Variants in SH2D2A observed in about 807,000 individuals in gnomAD.
SH2D2A encodes the protein SH2 domain-containing protein 2A.
Under a neutral mutation model 43.6 loss-of-function variants are expected in SH2D2A, and 33 were observed. The ratio of observed to expected loss-of-function variants is 0.76; its 90% CI spans 0.57 to 1.01. The LOEUF (loss-of-function observed/expected upper bound fraction) is 1.01, where lower values mean the gene tolerates loss of function less well. Ranked by LOEUF, SH2D2A falls within the 50% of genes least tolerant of loss-of-function variation. The pLI, the probability that SH2D2A is intolerant of heterozygous loss-of-function variation, is 0.00. For synonymous variants in SH2D2A, 212 were observed against 206.1 expected, an observed-to-expected ratio of 1.03 and a Z score of -0.25; for missense variants, 491 against 503.1, an observed-to-expected ratio of 0.98 and a Z score of 0.23.
chr1:156,813,980 C>T lies in SH2D2A; in HGVS notation c.435G>A (p.Gln145=), dbSNP rs1294450236. ...RTCCRHFLLA[Q]LRDGRHVVLG... ...GCACCACGTGGCGCCCGTCCCTGAG[C>T]TGGGCCAGCAGGAAGTGGCGGCAGC... The change falls in exon 5 of 9, where the codon CAG becomes CAA. Residue 145 remains glutamine (Q), a synonymous_variant. Transcript: ENST00000368199. 2.6e-6 allele frequency: 4 copies of T among 1,527,938 alleles called. No individual in the cohort carries two copies. Among genetic ancestry groups the T allele is most frequent in the Non-Finnish European group, 3.5e-6 (4 of 1,140,254 alleles). The allele number at this position is 1,527,938 out of a possible 1,614,324, so 94.6% of individuals were successfully genotyped here. A position where few individuals can be genotyped will look rare whatever the true frequency, so the allele number is the denominator to read the frequency against.
chr1:156,809,131 C>A lies in SH2D2A; in HGVS notation c.1002+72G>T. The A allele has an allele frequency of 4.0e-6, 6 of 1,496,624 alleles. No homozygotes were observed. Among genetic ancestry groups the A allele is most frequent in the Non-Finnish European group, 5.5e-6 (6 of 1,100,834 alleles). The allele number at this position is 1,496,624 out of a possible 1,614,324, so 92.7% of individuals were successfully genotyped here. ...CTGCCCCAGGCATCCACTCTGAACACCTTCTTCACCTTCCCCCATCTACCT... is the reference window on the plus strand; with the variant it reads ...CTGCCCCAGGCATCCACTCTGAACAACTTCTTCACCTTCCCCCATCTACCT... On this transcript the variant is annotated intron_variant, in intron 7 of 8. Coordinates refer to ENST00000368199, the MANE Select transcript of SH2D2A (RefSeq NM_003975.4). The surrounding 1 kb of genome is among the most constrained non-coding windows in gnomAD (Gnocchi z 4.8).
chr1:156,813,853 G>T lies in SH2D2A; in HGVS notation c.562C>A (p.Arg188=). The T allele has an allele frequency of 6.7e-7, 1 of 1,485,794 alleles. No individual in the cohort carries two copies. Among genetic ancestry groups the T allele is most frequent in the Non-Finnish European group, 8.9e-7 (1 of 1,117,936 alleles). 92.0% of individuals were successfully genotyped at this position (1,485,794 alleles called of 1,614,324 possible). The change falls in exon 5 of 9, where the codon CGA becomes AGA. Residue 188 remains arginine, a synonymous_variant. Transcript: ENST00000368199. ...TCAGGGTCTGGGGCGCGTACCTGTCGGGCGAGGGGCTCGGTGAGCGTCTCC... is the reference window on the plus strand; with the variant it reads ...TCAGGGTCTGGGGCGCGTACCTGTCTGGCGAGGGGCTCGGTGAGCGTCTCC... ...YGETLTEPLA[R]QTPEPAGLSL...
rs1652970447 is a variant in SH2D2A, at chr1:156,806,399, T to G, written c.*178A>C. 1 of 152,394 alleles carries G rather than the reference T, an allele frequency of 6.6e-6. No individual in the cohort carries two copies. Among genetic ancestry groups the G allele is most frequent in the Non-Finnish European group, 1.5e-5 (1 of 68,194 alleles). The allele number at this position is 152,394 out of a possible 1,614,324, so 9.4% of individuals were successfully genotyped here. A position where few individuals can be genotyped will look rare whatever the true frequency, so the allele number is the denominator to read the frequency against. On this transcript the variant is annotated 3_prime_UTR_variant, in exon 9 of 9. Transcript: ENST00000368199. Reference sequence around the variant, plus strand: ...GCTCAGAGGGCCAAGGAAATTAGACTCCAGGAGGAGAAACCAGGACAGTGG... The same window carrying G: ...GCTCAGAGGGCCAAGGAAATTAGACGCCAGGAGGAGAAACCAGGACAGTGG...
chr1:156,807,185 G>A lies in SH2D2A; in HGVS notation c.1163C>T (p.Pro388Leu), dbSNP rs868426256. The A allele has an allele frequency of 3.7e-6, 6 of 1,612,716 alleles. No individual in the cohort carries two copies. The highest frequency in any genetic ancestry group is 5.1e-6 in the Non-Finnish European group (6 of 1,179,846). The change falls in exon 8 of 9, where the codon CCT becomes CTT. Residue 388 changes from proline (P) to leucine (L), a missense_variant. Transcript: ENST00000368199. This position sits in a 1 kb window ranked among gnomAD's most constrained non-coding sequence, Gnocchi z 5.1. ...CAAGCTCAGACTTACCGCCTACTGA[G>A]GAGGCCCAAGGGGAAGCCATGCCTG... ...RGQAWLPLGP[P>L]Q
In SH2D2A at chr1:156,816,087, G is replaced by T. The variant is rs1225565413; in HGVS notation, c.42C>A (p.His14Gln). ...TGCTGAAGGTTGGGATGGGGGCTTC[G>T]TGACTCCCTGTGAGCACAAAGAGGG... ...PLAQICPQGS[H>Q]EAPIPTFSTF... The change falls in exon 2 of 9, where the codon CAC (histidine) becomes CAA (glutamine). Residue 14 changes from histidine (H) to glutamine (Q), a missense_variant. His to Gln is a conservative substitution (Grantham distance 24). Transcript: ENST00000368199. The T allele has an allele frequency of 1.2e-6, 2 of 1,612,850 alleles. No individual in the cohort carries two copies. Among genetic ancestry groups the T allele is most frequent in the Non-Finnish European group, 1.7e-6 (2 of 1,179,380 alleles).
At chr1:156,815,423 T>C (rs1449140887) in intron 2 of SH2D2A, 6 of 570,706 alleles carry the variant, frequency 1.1e-5, no homozygotes. Context: ...GAGACTCTCC[T>C]TCCTTTGCCC....
chr1:156,814,578 G>T, intron 3 of SH2D2A: 1 of 496,166 alleles, frequency 2.0e-6, no homozygotes, highest in Non-Finnish European at 3.5e-6. Flanking sequence ...CAGCTACAGG[G>T]ATGGGAAAGT....
At position 156,815,054 on chromosome 1, in the gene SH2D2A, A is replaced by G. The variant is rs757904279; in HGVS notation, c.291T>C (p.His97=). ...LQHGAAPAWF[H]GFITRREAER... ...TGACTCACCTCCGGGTGATGAAGCC[A>G]TGGAACCAGGCAGGGGCTGCCCCGT... The change falls in exon 3 of 9, where the codon CAT becomes CAC. Residue 97 remains histidine (H), a synonymous_variant. Transcript: ENST00000368199. 3.8e-6 allele frequency: 6 copies of G among 1,569,610 alleles called. No individual in the cohort carries two copies. In the East Asian group the frequency reaches 9.4e-5, roughly 25 times the overall value.
At position 156,815,261 on chromosome 1, in the gene SH2D2A, A is replaced by G. The variant is rs777872506; in HGVS notation, c.124-40T>C. ...AGTTCAAGGAGGGGGAAGCAGCATG[A>G]TGAGTGGGCCTTCTCCTGACTTTGA... On this transcript the variant is annotated intron_variant, in intron 2 of 8. Coordinates refer to ENST00000368199, the MANE Select transcript of SH2D2A (RefSeq NM_003975.4). 2.9e-6 allele frequency: 4 copies of G among 1,402,738 alleles called. No homozygotes were observed. The Admixed American group carries it at 8.6e-5, about 30-fold the overall frequency. 86.9% of individuals were successfully genotyped at this position (1,402,738 alleles called of 1,614,324 possible).
In SH2D2A at chr1:156,815,164, C is replaced by T. The variant is rs1035461898; in HGVS notation, c.181G>A (p.Glu61Lys). 5 of 1,602,888 alleles carry T rather than the reference C, an allele frequency of 3.1e-6. No individual in the cohort carries two copies. Among genetic ancestry groups the T allele is most frequent in the Non-Finnish European group, 4.3e-6 (5 of 1,174,812 alleles). ...AACAGGCTTCCTTCTCCAGGCACCT[C>T]CTCTGCCCTCTCAGCATTCCCTGTG... is the stretch of plus-strand genomic sequence containing the variant. Reference protein sequence around the residue: ...SNTGNAERAEEVPGEGSLFLQ... With the variant: ...SNTGNAERAEKVPGEGSLFLQ... The change falls in exon 3 of 9, where the codon GAG becomes AAG. Residue 61 changes from glutamate (E) to lysine (K), a missense_variant. Glu to Lys is a moderately conservative substitution (Grantham distance 56). Transcript: ENST00000368199.
chr1:156,816,743 G>C lies in SH2D2A; in HGVS notation c.-35C>G. The C allele has an allele frequency of 6.4e-7, 1 of 1,564,894 alleles. No homozygotes were observed. Among genetic ancestry groups the C allele is most frequent in the Non-Finnish European group, 8.7e-7 (1 of 1,155,898 alleles). On this transcript the variant is annotated 5_prime_UTR_variant, in exon 1 of 9. Coordinates refer to ENST00000368199, the MANE Select transcript of SH2D2A (RefSeq NM_003975.4). ...CTCACAAGGGATCCCAGAGCAGGGT[G>C]TGTGTATGTGTTCCGGAAAGGTGTG... is the stretch of plus-strand genomic sequence containing the variant.
chr1:156,814,888 A>C (rs746654259), intron 3 of SH2D2A, 149 bp downstream of exon 3: 1 of 578,852 alleles, frequency 1.7e-6, no homozygotes, highest in Non-Finnish European at 2.8e-6. Context: ...GGCTAGGAAA[A>C]CTCTGGGAGT....
At position 156,809,270 on chromosome 1, in the gene SH2D2A, C is replaced by A; in HGVS notation, c.935G>T (p.Gly312Val). The A allele has an allele frequency of 6.2e-7, 1 of 1,614,096 alleles. No individual in the cohort carries two copies. Among genetic ancestry groups the A allele is most frequent in the East Asian group, 2.2e-5 (1 of 44,866 alleles). Residue 312 changes from glycine (G) to valine (V), a missense_variant, in exon 7 of 9, where the codon GGC becomes GTC. Physicochemically the swap from Gly to Val is moderately radical, Grantham distance 109. Transcript: ENST00000368199. This position sits in a 1 kb window ranked among gnomAD's most constrained non-coding sequence, Gnocchi z 4.8. The part of the protein sequence containing the change: ...SNIYVEVEDE[G>V]LPATLGHPVL... The stretch of plus-strand genomic sequence containing the variant: ...AGGGTGCCCAAGGGTGGCGGGTAGG[C>A]CCTCATCTTCCACTTCCACATAGAT...
At chr1:156,811,107 G>A (rs1653382531) in intron 5 of SH2D2A, among the ~76,000 whole-genome samples, 1 of 152,016 alleles carries the variant, frequency 6.6e-6, no homozygotes, top group Non-Finnish European at 1.5e-5. Context: ...TCTCCTTCCG[G>A]AATAAAAAGT....
At chr1:156,815,718 T>G in intron 2 of SH2D2A, 1 of 1,189,240 alleles carries the variant, frequency 8.4e-7, no homozygotes, top group African/African-American at 1.5e-5. Context: ...TGACACAGAG[T>G]GCAGATGCCT....
chr1:156,807,139 G>C lies in SH2D2A; in HGVS notation c.*3+36C>G. 6.3e-7 allele frequency: 1 copy of C among 1,592,388 alleles called. No individual in the cohort carries two copies. Among genetic ancestry groups the C allele is most frequent in the South Asian group, 1.1e-5 (1 of 90,586 alleles). The stretch of plus-strand genomic sequence containing the variant: ...GGTGTGTGTGAAGGTCTCTGGACCT[G>C]ATGCTCCAAGTTATCCTCACCAAGC... On this transcript the variant is annotated intron_variant, in intron 8 of 8. Transcript: ENST00000368199. The surrounding 1 kb of genome is among the most constrained non-coding windows in gnomAD (Gnocchi z 5.1).
chr1:156,814,148 G>A, intron 4 of SH2D2A, 57 bp downstream of exon 4: 2 of 1,604,308 alleles, frequency 1.2e-6, no homozygotes, highest in Non-Finnish European at 1.7e-6. Context: ...TCAGACCCAA[G>A]CCCCGCCCCT....
chr1:156,809,737 T>A lies in SH2D2A; in HGVS notation c.638A>T (p.Asn213Ile). 1 of 1,613,564 alleles carries A rather than the reference T, an allele frequency of 6.2e-7. No individual in the cohort carries two copies. Among genetic ancestry groups the A allele is most frequent in the Non-Finnish European group, 8.5e-7 (1 of 1,179,892 alleles). The change falls in exon 6 of 9, where the codon AAC becomes ATC. Residue 213 changes from asparagine to isoleucine, a missense_variant. Transcript: ENST00000368199. The surrounding 1 kb of genome is among the most constrained non-coding windows in gnomAD (Gnocchi z 4.8). Reference sequence around the variant, plus strand: ...TTTGATGATTGGGCTGTACTGGGGGTTTGGGTCCTGGCTTTTGCTTCCAAA... The same window carrying A: ...TTTGATGATTGGGCTGTACTGGGGGATTGGGTCCTGGCTTTTGCTTCCAAA... ...SNFGSKSQDP[N>I]PQYSPIIKQG...
chr1:156,814,435 A>G lies in SH2D2A; in HGVS notation c.309-141T>C, dbSNP rs1461596902. On this transcript the variant is annotated intron_variant, in intron 3 of 8. Transcript: ENST00000368199. ...GAGAAAGGCTAGGGCGGAGATGGGG[A>G]GAGAGAGCACGTGGGCGCTGCTCTC... The G allele has an allele frequency of 7.0e-6, 10 of 1,432,686 alleles. No homozygotes were observed. In the East Asian group the frequency reaches 2.3e-4, roughly 33 times the overall value. The allele number at this position is 1,432,686 out of a possible 1,614,324, so 88.7% of individuals were successfully genotyped here. A position where few individuals can be genotyped will look rare whatever the true frequency, so the allele number is the denominator to read the frequency against.
Sources: gnomAD v4.1 joint callset for allele counts (sites outside exome capture counted in the v4.1 genomes callset) on GRCh38, gnomAD v4.1.1 for gene constraint, Gnocchi (gnomAD v3.1) non-coding constraint, MANE v1.5 for transcripts, NCBI Gene and HGNC (gene_info 2026-07-23, HGNC 2026-07-21) for gene names.